ZC3H3: variants seen among roughly 807,000 people sequenced by gnomAD.
The protein encoded by ZC3H3 is zinc finger CCCH domain-containing protein 3.
ZC3H3 carries 36 observed loss-of-function variants against 77.3 expected under a neutral mutation model. The observed-to-expected ratio is 0.47, with a 90% CI of 0.36 to 0.61. ZC3H3 has a LOEUF of 0.61. ZC3H3 is among the 20% of genes least tolerant of loss of function. ZC3H3 has a pLI of 0.00. For missense variants in ZC3H3, 1,331 were observed against 1,312.2 expected, an observed-to-expected ratio of 1.01 and a Z score of -0.22; for synonymous variants, 626 against 555.2, an observed-to-expected ratio of 1.13 and a Z score of -1.79.
At chr8:143,442,583 G>C (rs1437818580) in intron 9 of ZC3H3, among the ~76,000 whole-genome samples, 1 of 152,092 alleles carries the variant, frequency 6.6e-6, no homozygotes, top group East Asian at 1.9e-4. Context: ...CCAAGGCTGC[G>C]GGTGCATTTT....
At chr8:143,438,880 A>G (rs1586865292) in intron 11 of ZC3H3, among the ~76,000 whole-genome samples, 1 of 152,292 alleles carries the variant, frequency 6.6e-6, no homozygotes, top group South Asian at 2.1e-4. Context: ...CAGACTACAC[A>G]GGCTCTGACC....
At chr8:143,491,646 C>G (rs1586919575) in intron 4 of ZC3H3, among the ~76,000 whole-genome samples, 1 of 152,260 alleles carries the variant, frequency 6.6e-6, no homozygotes, top group South Asian at 2.1e-4. Context: ...AGAGAGGACC[C>G]CCCTGTCCTG....
At chr8:143,463,784 T>A (rs1220263510) in intron 9 of ZC3H3, among the ~76,000 whole-genome samples, 1 of 152,100 alleles carries the variant, frequency 6.6e-6, no homozygotes, top group East Asian at 1.9e-4. Context: ...CGCAGGTGTG[T>A]ACAAACAGGC....
At chr8:143,472,993 G>A (rs1038447742) in intron 5 of ZC3H3, among the ~76,000 whole-genome samples, 3 of 152,212 alleles carry the variant, frequency 2.0e-5, no homozygotes, top group African/African-American at 4.8e-5. Flanking sequence ...CCGCAGAGCA[G>A]GGCAGGGCCT....
chr8:143,478,445 C>T (rs925337539), intron 4 of ZC3H3, among the ~76,000 whole-genome samples: 2 of 152,236 alleles, frequency 1.3e-5, no homozygotes, highest in African/African-American at 2.4e-5. Flanking sequence ...CAGGGCCGCC[C>T]CTCAGCTCTG....
rs191982425 is a variant in ZC3H3, at chr8:143,471,924, G to C, written c.1904-3265C>G. ...TTCCTCATGGCGAGGCGGGGCCGGT[G>C]GTGGCCCAGGCAGCTGGAGCTGTGG... On this transcript the variant is annotated intron_variant, in intron 5 of 11. Coordinates refer to ENST00000262577, the MANE Select transcript of ZC3H3 (RefSeq NM_015117.3). Among the ~76,000 whole-genome samples, 98 of 152,360 alleles carry C rather than the reference G, an allele frequency of 6.4e-4. 2 individuals carry two copies. In the East Asian group the frequency reaches 0.011, roughly 16 times the overall value.
chr8:143,535,082 T>C (rs924489416), intron 3 of ZC3H3, among the ~76,000 whole-genome samples: 14 of 151,766 alleles, frequency 9.2e-5, no homozygotes, highest in Non-Finnish European at 1.9e-4. Context: ...TCTCGTTCTG[T>C]CGCCCAGACT....
Position 143,493,281 on chromosome 8 carries a change from T to A in ZC3H3, c.1715+14465A>T, listed in dbSNP as rs1316772706. Among the ~76,000 whole-genome samples the A allele has an allele frequency of 1.3e-5, 2 of 152,132 alleles. No individual in the cohort carries two copies. Among genetic ancestry groups the A allele is most frequent in the East Asian group, 1.9e-4 (1 of 5,154 alleles). On this transcript the variant is annotated intron_variant, in intron 4 of 11. Coordinates refer to ENST00000262577, the MANE Select transcript of ZC3H3 (RefSeq NM_015117.3). The surrounding 1 kb of genome is among the most constrained non-coding windows in gnomAD (Gnocchi z 4.8). ...CCCTGCCTGCCAGCAAGGGCTGGGG[T>A]CTAAGATCTCCAGGAAAAAGTCCCT...
intron 5 of ZC3H3, among the ~76,000 whole-genome samples, chr8:143,474,149 C>T (rs777304629): frequency 2.0e-5 from 3 of 151,366 alleles, no homozygotes; most frequent in Non-Finnish European, 4.4e-5. Context: ...ACGCACAAAT[C>T]ACACAGCCCA....
At chr8:143,452,481 G>A (rs1399816417) in intron 9 of ZC3H3, among the ~76,000 whole-genome samples, 1 of 152,212 alleles carries the variant, frequency 6.6e-6, no homozygotes, top group African/African-American at 2.4e-5. Context: ...GAACAAGGGA[G>A]GCTCCAAGCT....
chr8:143,527,243 TTCAAAGTCTGCCAAGACACGTGACTG>T, intron 3 of ZC3H3, among the ~76,000 whole-genome samples: 1 of 152,134 alleles, frequency 6.6e-6, no homozygotes, highest in Non-Finnish European at 1.5e-5. Context: ...CTGCACTTGA[TTCAAAGTCTGCCAAGACACGTGACTG>T]GGGGGATGTG....
intron 3 of ZC3H3, among the ~76,000 whole-genome samples, chr8:143,509,162 C>T (rs539914591): frequency 6.6e-6 from 1 of 152,306 alleles, no homozygotes; most frequent in East Asian, 1.9e-4. Context: ...CACTTGGCCC[C>T]AACATGACAT....
Position 143,538,949 on chromosome 8 carries a change from C to G in ZC3H3, c.418G>C (p.Gly140Arg). The G allele has an allele frequency of 6.2e-7, 1 of 1,613,068 alleles. No individual in the cohort carries two copies. The highest frequency in any genetic ancestry group is 8.5e-7 in the Non-Finnish European group (1 of 1,180,028). ...PSKSGSASASGAQRGSLEEFE... is the reference protein window; with the variant it reads ...PSKSGSASASRAQRGSLEEFE... ...TCTTCCAAAGAGCCCCGCTGGGCCCCTGAGGCACTGGCAGAGCCAGACTTT... is the reference window on the plus strand; with the variant it reads ...TCTTCCAAAGAGCCCCGCTGGGCCCGTGAGGCACTGGCAGAGCCAGACTTT... Residue 140 changes from glycine (G) to arginine (R), a missense_variant, in exon 2 of 12, where the codon GGG becomes CGG. Physicochemically the swap from Gly to Arg is moderately radical, Grantham distance 125. Coordinates refer to ENST00000262577, the MANE Select transcript of ZC3H3 (RefSeq NM_015117.3).
intron 9 of ZC3H3, among the ~76,000 whole-genome samples, chr8:143,441,528 G>T (rs1819742012): frequency 6.6e-6 from 1 of 152,134 alleles, no homozygotes; most frequent in Non-Finnish European, 1.5e-5. Flanking sequence ...GGGGTCTTAG[G>T]CTGGGCCGGG....
Position 143,539,313 on chromosome 8 carries a change from A to G in ZC3H3, c.54T>C (p.Ile18=). 1.2e-6 allele frequency: 2 copies of G among 1,605,618 alleles called. No homozygotes were observed. The highest frequency in any genetic ancestry group is 1.7e-6 in the Non-Finnish European group (2 of 1,176,264). ...TGCCGTGGAGGGTTTTGTAGTCATC[A>G]ATCAGACCTGAGAAGACAGAACCAC... ...RRQIRLLQGL[I]DDYKTLHGNA... is the part of the protein sequence containing the mutation. Residue 18 remains isoleucine, a synonymous_variant, in exon 2 of 12, where the codon ATT becomes ATC. Coordinates refer to ENST00000262577, the MANE Select transcript of ZC3H3 (RefSeq NM_015117.3).
chr8:143,507,527 C>T (rs1821739723), intron 4 of ZC3H3, among the ~76,000 whole-genome samples: 1 of 152,282 alleles, frequency 6.6e-6, no homozygotes, highest in Admixed American at 6.5e-5. Flanking sequence ...CGTCCGTCTT[C>T]ACGTGTATGT....
At chr8:143,470,927 C>T (rs560124755) in intron 5 of ZC3H3, among the ~76,000 whole-genome samples, 26 of 152,190 alleles carry the variant, frequency 1.7e-4, no homozygotes, top group African/African-American at 4.3e-4. Flanking sequence ...TTCACTTCCC[C>T]GGGATCTTCT....
At chr8:143,438,488 G>A (rs931082466) in intron 11 of ZC3H3, among the ~76,000 whole-genome samples, 18 of 152,218 alleles carry the variant, frequency 1.2e-4, no homozygotes, top group Non-Finnish European at 1.6e-4. Context: ...CCAGACACAC[G>A]AGGCGGCCAC....
Position 143,438,078 on chromosome 8 carries a change from A to G in ZC3H3, c.2825T>C (p.Leu942Pro). The stretch of plus-strand genomic sequence containing the variant: ...TCCTCACAGACGTGGTTTGATGTGC[A>G]GAGGCTTCCCTATGCAAAGAGGGCA... The part of the protein sequence containing the change: ...APLTKDSGKP[L>P]HIKPRL Residue 942 changes from leucine to proline, a missense_variant, in exon 12 of 12, where the codon CTG becomes CCG. Leu to Pro is a moderately conservative substitution (Grantham distance 98). Transcript: ENST00000262577. 1.9e-6 allele frequency: 3 copies of G among 1,611,140 alleles called. No individual in the cohort carries two copies. The highest frequency in any genetic ancestry group is 2.5e-6 in the Non-Finnish European group (3 of 1,178,894).
Sources: gnomAD v4.1 joint callset for allele counts (sites outside exome capture counted in the v4.1 genomes callset) on GRCh38, gnomAD v4.1.1 for gene constraint, Gnocchi (gnomAD v3.1) non-coding constraint, MANE v1.5 for transcripts, NCBI Gene and HGNC (gene_info 2026-07-23, HGNC 2026-07-21) for gene names.